The following CSRNP3 variants were observed in gnomAD, a reference collection of about 807,000 sequenced individuals.
The protein encoded by CSRNP3 is cysteine and serine rich nuclear protein 3, also known as cysteine/serine-rich nuclear protein 3.
CSRNP3 carries 12 observed loss-of-function variants against 48.0 expected under a neutral mutation model. The observed-to-expected ratio is 0.25, with a 90% CI of 0.16 to 0.41. The LOEUF (loss-of-function observed/expected upper bound fraction) is 0.41. Among genes scored for constraint, CSRNP3 ranks in the 10% least tolerant of loss-of-function variants. The probability of loss-of-function intolerance (pLI) is 1.00; values close to 1 mark genes in which losing one functional copy is unlikely to be tolerated. For missense variants in CSRNP3, 580 were observed against 724.4 expected (o/e 0.80, Z 2.29); for synonymous variants, 263 against 269.7 (o/e 0.98, Z 0.24).
intron 3 of CSRNP3, chr2:165,566,705 C>A (rs1400601531): frequency 1.3e-5 from 2 of 151,624 alleles, no homozygotes; most frequent in Non-Finnish European, 2.9e-5. Context: ...GCTGTATATT[C>A]TTATATATTC....
intron 4 of CSRNP3, among the ~76,000 whole-genome samples, chr2:165,615,913 T>A (rs1686234071): frequency 2.1e-5 from 3 of 143,764 alleles, no homozygotes; most frequent in African/African-American, 7.7e-5. Flanking sequence ...TTTTTTTTTT[T>A]ACAGATTGGG....
At chr2:165,531,271 T>G (rs1684808675) in intron 3 of CSRNP3, among the ~76,000 whole-genome samples, 1 of 152,192 alleles carries the variant, frequency 6.6e-6, no homozygotes, top group Non-Finnish European at 1.5e-5. Context: ...CTCCACCCTC[T>G]TCCCATTACC....
intron 5 of CSRNP3, among the ~76,000 whole-genome samples, chr2:165,673,310 G>C (rs1687362706): frequency 6.6e-6 from 1 of 151,456 alleles, no homozygotes; most frequent in Admixed American, 6.6e-5. Context: ...GCTAATTTTT[G>C]TATTTTTAGC....
chr2:165,622,714 A>G (rs1036456464), intron 4 of CSRNP3, among the ~76,000 whole-genome samples: 2 of 152,242 alleles, frequency 1.3e-5, no homozygotes, highest in South Asian at 4.1e-4. Flanking sequence ...TACTCTTTTA[A>G]AAACAAAACC....
At chr2:165,565,912 G>T (rs1685290923) in intron 3 of CSRNP3, among the ~76,000 whole-genome samples, 1 of 151,952 alleles carries the variant, frequency 6.6e-6, no homozygotes, top group Non-Finnish European at 1.5e-5. Flanking sequence ...AACTTTTATT[G>T]TAAACAAAAT....
chr2:165,504,457 AC>A lies in CSRNP3; in HGVS notation c.-113+9531del, dbSNP rs1438545356. On this transcript the variant is annotated intron_variant, in intron 2 of 6. Transcript: ENST00000651982. ...TAAACGCTGGCATTAAAAACTTAAA[AC>A]CGGCTCAAACTCCAGTGCCCGCACT... Among the ~76,000 whole-genome samples, 19 of 152,016 alleles carry A rather than the reference AC, an allele frequency of 1.2e-4. 1 individual carries two copies. The highest frequency in any genetic ancestry group is 4.6e-4 in the African/African-American group (19 of 41,416).
intron 5 of CSRNP3, among the ~76,000 whole-genome samples, chr2:165,666,141 GGAA>G (rs1687193214): frequency 3.0e-5 from 3 of 100,454 alleles, no homozygotes; most frequent in Admixed American, 1.2e-4. Context: ...AAGGAAGGAA[GGAA>G]AGAGAGAGGA....
Position 165,684,411 on chromosome 2 carries a change from A to G in CSRNP3, c.*4658A>G, listed in dbSNP as rs998150188. On this transcript the variant is annotated 3_prime_UTR_variant, in exon 7 of 7. Coordinates refer to ENST00000651982, the MANE Select transcript of CSRNP3 (RefSeq NM_001172173.2). ...CTCTGTTCCTTATTCTCTTGATGAC[A>G]GTTTGCAGTGCCATTATAGCCAGTG... 1 of 152,070 alleles carries G rather than the reference A, an allele frequency of 6.6e-6. No homozygotes were observed. The highest frequency in any genetic ancestry group is 1.5e-5 in the Non-Finnish European group (1 of 67,994). The allele number at this position is 152,070 out of a possible 1,614,324, so 9.4% of individuals were successfully genotyped here. A position where few individuals can be genotyped will look rare whatever the true frequency, so the allele number is the denominator to read the frequency against.
chr2:165,604,788 G>A (rs894473450), intron 4 of CSRNP3, among the ~76,000 whole-genome samples: 2 of 152,122 alleles, frequency 1.3e-5, no homozygotes, highest in African/African-American at 4.8e-5. Flanking sequence ...ACTAAGTCAG[G>A]TCACTAACAT....
chr2:165,566,505 A>G (rs572186609), intron 3 of CSRNP3, among the ~76,000 whole-genome samples: 3 of 151,654 alleles, frequency 2.0e-5, no homozygotes, highest in Non-Finnish European at 4.4e-5. Context: ...TGTAAAATGG[A>G]GATAGTAAAA....
intron 3 of CSRNP3, among the ~76,000 whole-genome samples, chr2:165,564,112 G>A (rs891372120): frequency 1.3e-5 from 2 of 152,162 alleles, no homozygotes; most frequent in African/African-American, 4.8e-5. Flanking sequence ...AAATTTAGAA[G>A]AGCAGCATAG....
chr2:165,481,261 C>T (rs1038093502), intron 1 of CSRNP3, among the ~76,000 whole-genome samples: 1 of 152,164 alleles, frequency 6.6e-6, no homozygotes, highest in Admixed American at 6.5e-5. Context: ...AATCAATGCA[C>T]ACTTCTTCCT....
intron 1 of CSRNP3, among the ~76,000 whole-genome samples, chr2:165,478,172 T>C (rs1043997514): frequency 6.6e-6 from 1 of 152,242 alleles, no homozygotes; most frequent in African/African-American, 2.4e-5. Flanking sequence ...TGTATATGCA[T>C]GCTTCACTAA....
intron 4 of CSRNP3, among the ~76,000 whole-genome samples, chr2:165,607,775 T>C (rs1686056942): frequency 6.6e-6 from 1 of 152,100 alleles, no homozygotes; most frequent in Non-Finnish European, 1.5e-5. Context: ...CTCATTCCAT[T>C]TGTTGTAACG....
At chr2:165,523,375 C>A (rs865921423) in intron 3 of CSRNP3, among the ~76,000 whole-genome samples, 1 of 152,140 alleles carries the variant, frequency 6.6e-6, no homozygotes, top group Non-Finnish European at 1.5e-5. Context: ...AACAAACCAA[C>A]CTCTTTCTTC....
chr2:165,675,962 G>A (rs1162075407), intron 5 of CSRNP3, among the ~76,000 whole-genome samples: 1 of 152,150 alleles, frequency 6.6e-6, no homozygotes, highest in Non-Finnish European at 1.5e-5. Context: ...CATTGGAGCT[G>A]CCTATCATGA....
At chr2:165,611,761 T>C (rs567491432) in intron 4 of CSRNP3, among the ~76,000 whole-genome samples, 1 of 152,280 alleles carries the variant, frequency 6.6e-6, no homozygotes, top group South Asian at 2.1e-4. Flanking sequence ...TTAGTAAAGT[T>C]GTGAAGCCAG....
intron 4 of CSRNP3, among the ~76,000 whole-genome samples, chr2:165,651,680 G>C (rs1436516183): frequency 2.3e-5 from 3 of 132,244 alleles, no homozygotes; most frequent in Non-Finnish European, 4.7e-5. Flanking sequence ...TTTTGAGACA[G>C]AGTTTTGCTC....
intron 1 of CSRNP3, among the ~76,000 whole-genome samples, chr2:165,471,639 T>G (rs187889556): frequency 1.3e-5 from 2 of 152,196 alleles, no homozygotes; most frequent in East Asian, 3.9e-4. Context: ...GAGGACTGAA[T>G]AAAACCAGAG....
Sources: allele counts gnomAD v4.1 joint callset (sites outside exome capture counted in the v4.1 genomes callset), GRCh38; gene constraint gnomAD v4.1.1; transcripts MANE v1.5; gene names NCBI Gene and HGNC (gene_info 2026-07-23, HGNC 2026-07-21).